LHFPL6: variants seen among roughly 807,000 people sequenced by gnomAD.
The protein encoded by LHFPL6 is LHFPL tetraspan subfamily member 6.
A neutral mutation model predicts 20.6 loss-of-function variants in LHFPL6; 9 were observed. The observed-to-expected ratio is 0.44, with a 90% CI of 0.26 to 0.76. The LOEUF (loss-of-function observed/expected upper bound fraction) is 0.76, where lower values mean the gene tolerates loss of function less well. LHFPL6 is among the 30% of genes least tolerant of loss of function. The probability of loss-of-function intolerance (pLI) is 0.20; values close to 1 mark genes in which losing one functional copy is unlikely to be tolerated. For missense variants in LHFPL6, 218 were observed against 253.5 expected, an observed-to-expected ratio of 0.86 and a Z score of 0.95; for synonymous variants, 105 against 98.7, an observed-to-expected ratio of 1.06 and a Z score of -0.38.
intron 2 of LHFPL6, among the ~76,000 whole-genome samples, chr13:39,412,191 C>T (rs569127249): frequency 2.6e-5 from 4 of 152,162 alleles, no homozygotes; most frequent in South Asian, 4.1e-4. Flanking sequence ...AGGAGACTAT[C>T]GATACTTACA....
At chr13:39,390,120 G>A (rs758229808) in intron 2 of LHFPL6, among the ~76,000 whole-genome samples, 2 of 150,414 alleles carry the variant, frequency 1.3e-5, no homozygotes, top group Non-Finnish European at 2.9e-5. Flanking sequence ...TAAATCAGGA[G>A]CCCCACACCA....
chr13:39,551,200 G>T (rs541264004), intron 2 of LHFPL6, among the ~76,000 whole-genome samples: 2 of 152,132 alleles, frequency 1.3e-5, no homozygotes, highest in Non-Finnish European at 2.9e-5. Context: ...TGCCTATTCA[G>T]CTCATGGCTC....
intron 3 of LHFPL6, among the ~76,000 whole-genome samples, chr13:39,375,558 G>A: frequency 6.6e-6 from 1 of 152,114 alleles, no homozygotes; most frequent in Non-Finnish European, 1.5e-5. Context: ...GGGCCTGGTG[G>A]CGGGTGCCTG....
chr13:39,490,205 AAAACACGGAATTCCG>A (rs1340603405), intron 2 of LHFPL6, among the ~76,000 whole-genome samples: 5 of 152,204 alleles, frequency 3.3e-5, no homozygotes, highest in African/African-American at 1.2e-4. Context: ...CTTGGATTCT[AAAACACGGAATTCCG>A]AAACACAAGA....
At chr13:39,514,560 C>T (rs902008128) in intron 2 of LHFPL6, among the ~76,000 whole-genome samples, 1 of 152,298 alleles carries the variant, frequency 6.6e-6, no homozygotes, top group Admixed American at 6.5e-5. Flanking sequence ...CCAAGCTACC[C>T]ATGAACACAA....
At chr13:39,518,141 T>C (rs1376956087) in intron 2 of LHFPL6, among the ~76,000 whole-genome samples, 1 of 151,232 alleles carries the variant, frequency 6.6e-6, no homozygotes, top group African/African-American at 2.4e-5. Flanking sequence ...TTAAACACTT[T>C]CGAATAGCGA....
chr13:39,430,958 C>T (rs1871779463), intron 2 of LHFPL6, among the ~76,000 whole-genome samples: 1 of 152,160 alleles, frequency 6.6e-6, no homozygotes. Flanking sequence ...ATAAATCTTG[C>T]TGCTGCTCAC....
intron 2 of LHFPL6, among the ~76,000 whole-genome samples, chr13:39,398,098 C>T (rs1004626121): frequency 3.9e-5 from 6 of 152,140 alleles, no homozygotes; most frequent in Admixed American, 1.3e-4. Context: ...GGCCCTCCTC[C>T]GAGGACTGCA....
At position 39,584,538 on chromosome 13, in the gene LHFPL6, A is replaced by C. The variant is rs940297395; in HGVS notation, c.385+16294T>G. Among the ~76,000 whole-genome samples the C allele has an allele frequency of 7.9e-5, 12 of 151,800 alleles. No individual in the cohort carries two copies. In the East Asian group the frequency reaches 1.2e-3, roughly 15 times the overall value. ...GAAACTCTGTCTCAAAAAAAAAAAAAAAAAAACCATTAATTTTTTTCTTTA... is the reference window on the plus strand; with the variant it reads ...GAAACTCTGTCTCAAAAAAAAAAAACAAAAAACCATTAATTTTTTTCTTTA... On this transcript the variant is annotated intron_variant, in intron 2 of 3. Transcript: ENST00000379589.
intron 3 of LHFPL6, among the ~76,000 whole-genome samples, chr13:39,364,162 G>A (rs1869951354): frequency 6.6e-6 from 1 of 152,104 alleles, no homozygotes; most frequent in Non-Finnish European, 1.5e-5. Context: ...AAAACAAAAG[G>A]GGCAGGGTTA....
intron 2 of LHFPL6, among the ~76,000 whole-genome samples, chr13:39,488,879 A>C (rs936727337): frequency 2.1e-5 from 3 of 139,586 alleles, no homozygotes; most frequent in African/African-American, 8.7e-5. Context: ...CTTGGATTCA[A>C]CCATGGGACT....
At chr13:39,367,928 G>C (rs1302198859) in intron 3 of LHFPL6, among the ~76,000 whole-genome samples, 1 of 152,178 alleles carries the variant, frequency 6.6e-6, no homozygotes, top group Non-Finnish European at 1.5e-5. Flanking sequence ...TACTTAGCCA[G>C]ATATCAATTA....
chr13:39,441,175 GCT>G (rs1366514266), intron 2 of LHFPL6, among the ~76,000 whole-genome samples: 1 of 124,302 alleles, frequency 8.0e-6, no homozygotes, highest in East Asian at 2.3e-4. Flanking sequence ...TTGGAGAAAG[GCT>G]CTCTCTGTTG....
chr13:39,406,770 C>T (rs9576789), intron 2 of LHFPL6, among the ~76,000 whole-genome samples: 41,722 of 152,022 alleles, frequency 0.27, 6,035 homozygotes, highest in East Asian at 0.4. Flanking sequence ...TGGGGTGATT[C>T]TCTTAAACAC....
In LHFPL6 at chr13:39,524,976, T is replaced by C. The variant is rs117243111; in HGVS notation, c.385+75856A>G. On this transcript the variant is annotated intron_variant, in intron 2 of 3. Coordinates refer to ENST00000379589, the MANE Select transcript of LHFPL6 (RefSeq NM_005780.3). ...TCCATTTTCTGCCAGGAGTGACAACTTTGTCATGCTGCTGATGAAAAAATG... is the reference window on the plus strand; with the variant it reads ...TCCATTTTCTGCCAGGAGTGACAACCTTGTCATGCTGCTGATGAAAAAATG... 5.8e-3 allele frequency among the ~76,000 whole-genome samples: 888 copies of C among 152,342 alleles called. 7 individuals are homozygous for C. Among genetic ancestry groups the C allele is most frequent in the South Asian group, 0.02 (99 of 4,830 alleles).
intron 2 of LHFPL6, among the ~76,000 whole-genome samples, chr13:39,475,867 T>C (rs1020397104): frequency 2.0e-5 from 3 of 152,254 alleles, no homozygotes; most frequent in African/African-American, 7.2e-5. Flanking sequence ...CAGGCAATGA[T>C]GTGTAGCACT....
intron 3 of LHFPL6, among the ~76,000 whole-genome samples, chr13:39,345,732 AC>A (rs1869384781): frequency 6.6e-6 from 1 of 152,020 alleles, no homozygotes; most frequent in Non-Finnish European, 1.5e-5. Flanking sequence ...TTTCATAAAG[AC>A]GTTTATCTCA....
chr13:39,554,347 T>C (rs1396504368), intron 2 of LHFPL6, among the ~76,000 whole-genome samples: 1 of 152,216 alleles, frequency 6.6e-6, no homozygotes, highest in African/African-American at 2.4e-5. Context: ...AATATACTCT[T>C]TAATCGCTAA....
chr13:39,583,922 C>T (rs980565156), intron 2 of LHFPL6, among the ~76,000 whole-genome samples: 1 of 152,128 alleles, frequency 6.6e-6, no homozygotes, highest in Non-Finnish European at 1.5e-5. Context: ...CCAAGCGCCT[C>T]GTCTTGTCCC....
Sources: gnomAD v4.1 joint callset for allele counts (sites outside exome capture counted in the v4.1 genomes callset) on GRCh38, gnomAD v4.1.1 for gene constraint, MANE v1.5 for transcripts, NCBI Gene and HGNC (gene_info 2026-07-23, HGNC 2026-07-21) for gene names.